Variants in GOLGA4 observed in about 807,000 individuals in gnomAD.
GOLGA4 encodes golgin subfamily A member 4.
Under a neutral mutation model 265.9 loss-of-function variants are expected in GOLGA4, and 169 were observed. The observed-to-expected ratio is 0.64, with a 90% CI of 0.56 to 0.72. The LOEUF (loss-of-function observed/expected upper bound fraction) is 0.72. Ranked by LOEUF, GOLGA4 falls within the 30% of genes least tolerant of loss-of-function variation. GOLGA4 has a pLI of 0.00. For synonymous variants in GOLGA4, 923 were observed against 855.8 expected (o/e 1.08, Z -1.37); for missense variants, 2,482 against 2,483.4 (o/e 1.00, Z 0.01).
intron 2 of GOLGA4, among the ~76,000 whole-genome samples, chr3:37,264,718 T>A (rs921168995): frequency 1.3e-5 from 2 of 151,982 alleles, no homozygotes; most frequent in Non-Finnish European, 2.9e-5. Context: ...GTTTCAAAAA[T>A]TTTTTTTGGA....
chr3:37,305,138 C>T (rs926690125), intron 10 of GOLGA4, among the ~76,000 whole-genome samples: 14 of 151,922 alleles, frequency 9.2e-5, no homozygotes, highest in South Asian at 2.1e-4. Context: ...AGGCTGGTCT[C>T]GAACTCCCAA....
chr3:37,268,221 AC>A (rs555431552), intron 2 of GOLGA4, among the ~76,000 whole-genome samples: 3 of 152,210 alleles, frequency 2.0e-5, no homozygotes, highest in Admixed American at 2.0e-4. Context: ...ATGTGGGACC[AC>A]AGACATATGC....
rs531034220 is a variant in GOLGA4 at position 37,327,574 on chromosome 3, C to T, written c.5688C>T (p.Pro1896=). Residue 1896 remains proline (P), a synonymous_variant, in exon 14 of 24, where the codon CCC becomes CCT. Coordinates refer to ENST00000361924, the MANE Select transcript of GOLGA4 (RefSeq NM_002078.5). ...AACAGATGGATGGAAGAAATAAACC[C>T]ACAGAACTTTTGGAAGAAAACACTG... ...ALQQMDGRNK[P]TELLEENTEE... 2.5e-6 allele frequency: 4 copies of T among 1,613,520 alleles called. No individual in the cohort carries two copies. The South Asian group carries it at 4.4e-5, about 18-fold the overall frequency.
chr3:37,326,796 T>C lies in GOLGA4; in HGVS notation c.4910T>C (p.Leu1637Ser). 6.2e-7 allele frequency: 1 copy of C among 1,613,810 alleles called. No individual in the cohort carries two copies. The highest frequency in any genetic ancestry group is 8.5e-7 in the Non-Finnish European group (1 of 1,179,822). ...DRLESESAAKLAELKRKAEQK... is the reference protein window; with the variant it reads ...DRLESESAAKSAELKRKAEQK... ...CTTGAGTCAGAAAGTGCTGCAAAAT[T>C]AGCAGAGTTGAAGAGAAAAGCTGAA... The change falls in exon 14 of 24, where the codon TTA becomes TCA. Residue 1637 changes from leucine to serine, a missense_variant. Leu to Ser is a moderately radical substitution (Grantham distance 145). Transcript: ENST00000361924.
intron 2 of GOLGA4, among the ~76,000 whole-genome samples, chr3:37,257,997 GTATATATA>G (rs2096756384): frequency 1.4e-5 from 1 of 71,288 alleles, no homozygotes; most frequent in South Asian, 3.2e-4. Context: ...ATGTATATAT[GTATATATA>G]CATACATATA....
intron 20 of GOLGA4, among the ~76,000 whole-genome samples, chr3:37,345,771 A>G (rs1214483070): frequency 6.6e-6 from 1 of 152,148 alleles, no homozygotes; most frequent in Non-Finnish European, 1.5e-5. Context: ...ACATGGTGGA[A>G]CCCTGTCTCT....
chr3:37,353,369 T>G (rs2097080825), intron 21 of GOLGA4, among the ~76,000 whole-genome samples: 1 of 152,082 alleles, frequency 6.6e-6, no homozygotes, highest in African/African-American at 2.4e-5. Flanking sequence ...AGAAACAGTT[T>G]CTGTGAAGCT....
Position 37,327,456 on chromosome 3 carries a change from A to T in GOLGA4, c.5570A>T (p.Lys1857Ile). The stretch of plus-strand genomic sequence containing the variant: ...TGTCAGATTTTGGAGCAAAAGATAA[A>T]AGAGCTGGATTCCTGCTTAGTAAGA... The part of the protein sequence containing the change: ...LTCQILEQKI[K>I]ELDSCLVRQK... The change falls in exon 14 of 24, where the codon AAA (lysine) becomes ATA (isoleucine). Residue 1857 changes from lysine (K) to isoleucine (I), a missense_variant. Coordinates refer to ENST00000361924, the MANE Select transcript of GOLGA4 (RefSeq NM_002078.5). 10 of 1,613,058 alleles carry T rather than the reference A, an allele frequency of 6.2e-6. No homozygotes were observed. Among genetic ancestry groups the T allele is most frequent in the Non-Finnish European group, 8.5e-6 (10 of 1,179,692 alleles).
Position 37,324,390 on chromosome 3 carries a change from G to A in GOLGA4, c.2504G>A (p.Arg835Lys). 6.2e-7 allele frequency: 1 copy of A among 1,614,094 alleles called. No homozygotes were observed. Among genetic ancestry groups the A allele is most frequent in the Non-Finnish European group, 8.5e-7 (1 of 1,179,998 alleles). Residue 835 changes from arginine (R) to lysine (K), a missense_variant, in exon 14 of 24, where the codon AGA (arginine) becomes AAA (lysine). Around this residue, in one of 3 missense-constraint regions of GOLGA4, gnomAD observed 1,536 missense variants for 1,483.7 expected, o/e 1.04. Coordinates refer to ENST00000361924, the MANE Select transcript of GOLGA4 (RefSeq NM_002078.5). ...QQKLLDLETE[R>K]ILLTKQVAEV... ...AAGTTGTTGGATTTGGAAACAGAAA[G>A]AATTCTTCTTACCAAACAGGTTGCT...
intron 3 of GOLGA4, among the ~76,000 whole-genome samples, chr3:37,284,964 T>C (rs1006444937): frequency 6.6e-6 from 1 of 151,898 alleles, no homozygotes; most frequent in Admixed American, 6.6e-5. Flanking sequence ...CATGCCTGGC[T>C]GTATTGCTGC....
At chr3:37,340,075 T>C (rs1461706711) in intron 19 of GOLGA4, 49 bp from the exon 20 acceptor site, 5 of 780,736 alleles carry the variant, frequency 6.4e-6, no homozygotes, top group Non-Finnish European at 1.1e-5. Context: ...TTTTCTTACA[T>C]ACAGTTTCCC....
chr3:37,273,471 C>T (rs918788175), intron 2 of GOLGA4: 2 of 852,740 alleles, frequency 2.3e-6, no homozygotes, highest in African/African-American at 3.4e-5. Context: ...GGGCTTTATT[C>T]TTAACAGTTT....
chr3:37,337,059 C>T, intron 17 of GOLGA4, 84 bp from the exon 18 acceptor site: 1 of 905,728 alleles, frequency 1.1e-6, no homozygotes, highest in East Asian at 2.4e-5. Flanking sequence ...CTTCCTTTTT[C>T]CTTATATCTT....
intron 2 of GOLGA4, among the ~76,000 whole-genome samples, chr3:37,259,806 C>G (rs1331325620): frequency 6.6e-6 from 1 of 152,112 alleles, no homozygotes; most frequent in Non-Finnish European, 1.5e-5. Flanking sequence ...CTTATATACC[C>G]TTGGTCTTTT....
At chr3:37,280,694 G>T (rs1477931450) in intron 2 of GOLGA4, among the ~76,000 whole-genome samples, 1 of 151,590 alleles carries the variant, frequency 6.6e-6, no homozygotes, top group African/African-American at 2.4e-5. Context: ...AATTTTTTTT[G>T]AAAATACTTT....
Position 37,326,498 on chromosome 3 carries a change from A to G in GOLGA4, c.4612A>G (p.Thr1538Ala), listed in dbSNP as rs138450063. 6.8e-3 allele frequency: 10,916 copies of G among 1,607,472 alleles called. 52 individuals are homozygous for G. Among genetic ancestry groups the G allele is most frequent in the Non-Finnish European group, 8.2e-3 (9,679 of 1,177,094 alleles). Residue 1538 changes from threonine to alanine, a missense_variant, in exon 14 of 24, where the codon ACT (threonine) becomes GCT (alanine). By Grantham distance (58) the Thr-to-Ala change is moderately conservative. Around this residue, in one of 3 missense-constraint regions of GOLGA4, gnomAD observed 942 missense variants for 983.1 expected, o/e 0.96. Transcript: ENST00000361924. ...ATTAGAGGACCATATTACCCAGAAA[A>G]CTATTGAAATAGAGTCCTTAAATGA... ...MELEDHITQK[T>A]IEIESLNEVL... is the part of the protein sequence containing the mutation.
At chr3:37,301,568 A>T (rs2096892674) in intron 9 of GOLGA4, among the ~76,000 whole-genome samples, 1 of 152,356 alleles carries the variant, frequency 6.6e-6, no homozygotes, top group African/African-American at 2.4e-5. Context: ...ACTAAGACAG[A>T]TAGCACATTT....
At chr3:37,334,743 A>G (rs2097003809) in intron 16 of GOLGA4, among the ~76,000 whole-genome samples, 1 of 152,176 alleles carries the variant, frequency 6.6e-6, no homozygotes, top group African/African-American at 2.4e-5. Context: ...TTAAGGGGAA[A>G]TAAACAGCTT....
chr3:37,361,207 T>C (rs1696237562), intron 22 of GOLGA4, 36 bp from the exon 23 acceptor site: 4 of 1,512,994 alleles, frequency 2.6e-6, no homozygotes, highest in Non-Finnish European at 3.7e-6. Context: ...GTCTTAAAAC[T>C]AACCCAATAA....
Sources: gnomAD v4.1 joint callset for allele counts (sites outside exome capture counted in the v4.1 genomes callset) on GRCh38, gnomAD v4.1.1 for gene constraint, gnomAD v4.1.1 regional missense constraint, MANE v1.5 for transcripts, NCBI Gene and HGNC (gene_info 2026-07-23, HGNC 2026-07-21) for gene names.